FXR2: variants seen among roughly 807,000 people sequenced by gnomAD.
The protein encoded by FXR2 is FMR1 autosomal homolog 2.
Under a neutral mutation model 87.3 loss-of-function variants are expected in FXR2, and 9 were observed. The ratio of observed to expected loss-of-function variants is 0.10; its 90% CI spans 0.06 to 0.18. The LOEUF is 0.18. Ranked by LOEUF, FXR2 falls within the 10% of genes least tolerant of loss-of-function variation. FXR2 has a pLI of 1.00. For missense variants in FXR2, 661 were observed against 893.6 expected (o/e 0.74, Z 3.32); for synonymous variants, 331 against 328.3 (o/e 1.01, Z -0.09).
intron 7 of FXR2, among the ~76,000 whole-genome samples, chr17:7,599,460 A>G (rs949548538): frequency 1.3e-5 from 2 of 152,200 alleles, no homozygotes; most frequent in African/African-American, 4.8e-5. Flanking sequence ...AAAAAGATCA[A>G]TTCCCTTGAT....
chr17:7,597,944 G>C (rs1017775155), intron 7 of FXR2, among the ~76,000 whole-genome samples: 21 of 150,816 alleles, frequency 1.4e-4, no homozygotes. Flanking sequence ...TGAATGCCAG[G>C]AGCCTGGTCA....
intron 1 of FXR2, among the ~76,000 whole-genome samples, chr17:7,612,246 T>C (rs1407193790): frequency 1.3e-5 from 2 of 152,146 alleles, no homozygotes; most frequent in African/African-American, 2.4e-5. Context: ...TCACTTTTCT[T>C]GGAACTCAGA....
At chr17:7,611,823 C>T (rs746939541) in intron 1 of FXR2, among the ~76,000 whole-genome samples, 1 of 152,190 alleles carries the variant, frequency 6.6e-6, no homozygotes, top group Non-Finnish European at 1.5e-5. Context: ...ATTAAATCAG[C>T]AGCAAGGTCA....
Position 7,597,485 on chromosome 17 carries a change from T to C in FXR2, c.661-1491A>G, listed in dbSNP as rs537067982. The stretch of plus-strand genomic sequence containing the variant: ...AGCTTGCAGAACAGCTGGGTTTTCT[T>C]TTTTTTTTTTCTTTTTTTTGAGATG... On this transcript the variant is annotated intron_variant, in intron 7 of 16. Transcript: ENST00000250113. 2.2e-3 allele frequency among the ~76,000 whole-genome samples: 333 copies of C among 150,070 alleles called. 1 individual carries two copies. The highest frequency in any genetic ancestry group is 7.8e-3 in the African/African-American group (320 of 41,046).
rs1567754155 is a variant in FXR2 at position 7,610,049 on chromosome 17, C to CATGTATGTATATAT, written c.82-3901_82-3900insATATATACATACAT. On this transcript the variant is annotated intron_variant, in intron 1 of 16. Transcript: ENST00000250113. Reference sequence around the variant, plus strand: ...ATGTATACATGTATGTATATATATACACACACACACACACACATATATATA... The same window carrying CATGTATGTATATAT: ...ATGTATACATGTATGTATATATATACATGTATGTATATATACACACACACACACACATATATATA... 7.3e-4 allele frequency among the ~76,000 whole-genome samples: 26 copies of CATGTATGTATATAT among 35,696 alleles called. 1 individual carries two copies. The highest frequency in any genetic ancestry group is 2.3e-3 in the South Asian group (3 of 1,328). The allele number at this position is 35,696 out of a possible 152,430, so 23.4% of individuals were successfully genotyped here.
In FXR2 at chr17:7,593,062, G is replaced by A. The variant is rs772024398; in HGVS notation, c.1450C>T (p.Pro484Ser). ...PTRGEESRRR[P>S]TGGRGRGPPP... ...GGTCCCCTACCCCGGCCCCCAGTCG[G>A]CCGCCTCCGGCTTTCTTCCCCTCGG... The change falls in exon 13 of 17, where the codon CCG (proline) becomes TCG (serine). Residue 484 changes from proline (P) to serine (S), a missense_variant. By Grantham distance (74) the Pro-to-Ser change is moderately conservative. Coordinates refer to ENST00000250113, the MANE Select transcript of FXR2 (RefSeq NM_004860.4). This position sits in a 1 kb window ranked among gnomAD's most constrained non-coding sequence, Gnocchi z 6.1. 6.3e-7 allele frequency: 1 copy of A among 1,586,586 alleles called. No individual in the cohort carries two copies. Among genetic ancestry groups the A allele is most frequent in the East Asian group, 2.2e-5 (1 of 44,604 alleles).
In FXR2 at chr17:7,591,508, C is replaced by T. The variant is rs1471620186; in HGVS notation, c.*322G>A. On this transcript the variant is annotated 3_prime_UTR_variant, in exon 17 of 17. Coordinates refer to ENST00000250113, the MANE Select transcript of FXR2 (RefSeq NM_004860.4). This position sits in a 1 kb window ranked among gnomAD's most constrained non-coding sequence, Gnocchi z 4.0. ...CCTGAACGGTCAAATCTGGGTGGGT[C>T]GAGGAGCACCCCCCACCAACAGGTG... The T allele has an allele frequency of 1.2e-5, 4 of 329,374 alleles. No individual in the cohort carries two copies. The highest frequency in any genetic ancestry group is 1.8e-4 in the East Asian group (2 of 11,298). The allele number at this position is 329,374 out of a possible 1,614,324, so 20.4% of individuals were successfully genotyped here.
intron 7 of FXR2, among the ~76,000 whole-genome samples, chr17:7,597,714 C>G (rs890615603): frequency 1.8e-4 from 27 of 152,046 alleles, no homozygotes; most frequent in Non-Finnish European, 7.4e-5. Context: ...CGGCCCCTTT[C>G]CGGTTTTTAG....
intron 7 of FXR2, chr17:7,596,253 C>T (rs1014171035): frequency 6.4e-6 from 2 of 312,776 alleles, no homozygotes; most frequent in Non-Finnish European, 1.2e-5. Context: ...CGCCTCTCGA[C>T]TTCAAGTGAT....
At position 7,592,696 on chromosome 17, in the gene FXR2, A is replaced by G. The variant is rs966906910; in HGVS notation, c.1727T>C (p.Leu576Pro). The part of the protein sequence containing the change: ...SDGPNMTENG[L>P]EDESRPQRRN... ...CCAGACCCCAGGCACACCCTCACCC[A>G]GGCCATTCTCTGTCATGTTGGGCCC... The change falls in exon 14 of 17, where the codon CTG becomes CCG. Residue 576 changes from leucine to proline, a missense_variant and splice_region_variant. Around this residue, in one of 3 missense-constraint regions of FXR2, gnomAD observed 409 missense variants for 432.0 expected, o/e 0.95. Transcript: ENST00000250113. The surrounding 1 kb of genome is among the most constrained non-coding windows in gnomAD (Gnocchi z 4.8). The G allele has an allele frequency of 3.7e-6, 6 of 1,613,344 alleles. No individual in the cohort carries two copies. Among genetic ancestry groups the G allele is most frequent in the Non-Finnish European group, 5.1e-6 (6 of 1,179,708 alleles).
intron 1 of FXR2, chr17:7,614,232 T>G: frequency 1.5e-6 from 1 of 683,946 alleles, no homozygotes; most frequent in Non-Finnish European, 2.7e-6. Flanking sequence ...CTCCCGGAGA[T>G]GGGGGTAGAA....
At position 7,592,195 on chromosome 17, in the gene FXR2, C is replaced by T. The variant is rs2071667821; in HGVS notation, c.1926+59G>A. The T allele has an allele frequency of 2.6e-6, 4 of 1,540,938 alleles. No homozygotes were observed. Among genetic ancestry groups the T allele is most frequent in the African/African-American group, 2.7e-5 (2 of 73,030 alleles). On this transcript the variant is annotated intron_variant, in intron 16 of 16. Transcript: ENST00000250113. This position sits in a 1 kb window ranked among gnomAD's most constrained non-coding sequence, Gnocchi z 4.8. ...AGGAGATTTGTGAAATTTTTTGTGCCCCCTGCCCCAGAGTAACAACAAAAA... is the reference window on the plus strand; with the variant it reads ...AGGAGATTTGTGAAATTTTTTGTGCTCCCTGCCCCAGAGTAACAACAAAAA...
In FXR2 at chr17:7,592,802, C is replaced by T; in HGVS notation, c.1621G>A (p.Ala541Thr). The T allele has an allele frequency of 6.2e-7, 1 of 1,613,590 alleles. No homozygotes were observed. The highest frequency in any genetic ancestry group is 8.5e-7 in the Non-Finnish European group (1 of 1,179,736). ...CGGGAGCGGCGGCGCCTGGCACTTG[C>T]TGGGGGGGGTTCCCCAGGTTCTGAA... ...VDSEPGEPPP[A>T]SARRRRSRRR... The change falls in exon 14 of 17, where the codon GCA (alanine) becomes ACA (threonine). Residue 541 changes from alanine (A) to threonine (T), a missense_variant. Around this residue, in one of 3 missense-constraint regions of FXR2, gnomAD observed 409 missense variants for 432.0 expected, o/e 0.95. Coordinates refer to ENST00000250113, the MANE Select transcript of FXR2 (RefSeq NM_004860.4). The surrounding 1 kb of genome is among the most constrained non-coding windows in gnomAD (Gnocchi z 4.8).
chr17:7,610,051 C>CATGTATGTATATGTAT (rs1567754161), intron 1 of FXR2, among the ~76,000 whole-genome samples: 1 of 104,700 alleles, frequency 9.6e-6, no homozygotes, highest in African/African-American at 3.6e-5. Flanking sequence ...TATATATACA[C>CATGTATGTATATGTAT]ACACACACAC....
rs996873653 is a variant in FXR2, at chr17:7,593,451, T to G, written c.1282A>C (p.Ser428Arg). 2.5e-6 allele frequency: 4 copies of G among 1,589,816 alleles called. No individual in the cohort carries two copies. The highest frequency in any genetic ancestry group is 3.4e-6 in the Non-Finnish European group (4 of 1,168,950). Reference sequence around the variant, plus strand: ...CGGCCACGGCCACGGCCCCCATAGCTGCCCCCATAGGTTCGAGTCGCATGG... The same window carrying G: ...CGGCCACGGCCACGGCCCCCATAGCGGCCCCCATAGGTTCGAGTCGCATGG... ...SLHATRTYGG[S>R]YGGRGRGRRT... The change falls in exon 12 of 17, where the codon AGC (serine) becomes CGC (arginine). Residue 428 changes from serine to arginine, a missense_variant. Physicochemically the swap from Ser to Arg is moderately radical, Grantham distance 110 (BLOSUM62 -1). Coordinates refer to ENST00000250113, the MANE Select transcript of FXR2 (RefSeq NM_004860.4). The surrounding 1 kb of genome is among the most constrained non-coding windows in gnomAD (Gnocchi z 6.1).
At chr17:7,600,851 T>C (rs1269627746) in intron 7 of FXR2, among the ~76,000 whole-genome samples, 1 of 150,876 alleles carries the variant, frequency 6.6e-6, no homozygotes, top group Non-Finnish European at 1.5e-5. Context: ...ACCATTACAC[T>C]ACAGCCTGGG....
intron 3 of FXR2, among the ~76,000 whole-genome samples, chr17:7,605,390 C>CAAA (rs2071794843): frequency 6.6e-6 from 1 of 151,820 alleles, no homozygotes. Flanking sequence ...ACAACAACAA[C>CAAA]AAAAAAATCA....
intron 1 of FXR2, among the ~76,000 whole-genome samples, chr17:7,609,390 G>A (rs918708362): frequency 5.9e-5 from 9 of 152,130 alleles, no homozygotes; most frequent in African/African-American, 1.9e-4. Context: ...TTGCTATAGA[G>A]GCTGCAGTCA....
At chr17:7,602,341 G>A (rs929977889) in intron 6 of FXR2, among the ~76,000 whole-genome samples, 1 of 152,132 alleles carries the variant, frequency 6.6e-6, no homozygotes, top group Admixed American at 6.5e-5. Context: ...CGAGGCGGGT[G>A]GATCAGGAGA....
Sources: allele counts gnomAD v4.1 joint callset (sites outside exome capture counted in the v4.1 genomes callset), GRCh38; gene constraint gnomAD v4.1.1; regional missense constraint gnomAD v4.1.1; non-coding constraint Gnocchi (gnomAD v3.1); transcripts MANE v1.5; gene names NCBI Gene and HGNC (gene_info 2026-07-23, HGNC 2026-07-21).